The following PDE1A variants were observed in gnomAD, a reference collection of about 807,000 sequenced individuals.
The protein encoded by PDE1A is phosphodiesterase 1A, also known as dual specificity calcium/calmodulin-dependent 3',5'-cyclic nucleotide phosphodiesterase 1A.
PDE1A carries 35 observed loss-of-function variants against 61.7 expected under a neutral mutation model. The observed-to-expected ratio is 0.57, with a 90% CI of 0.43 to 0.75. PDE1A has a LOEUF of 0.75. Among genes scored for constraint, PDE1A ranks in the 30% least tolerant of loss-of-function variants. The pLI is 0.00. For synonymous variants in PDE1A, 232 were observed against 213.2 expected, an observed-to-expected ratio of 1.09 and a Z score of -0.77; for missense variants, 597 against 630.6, an observed-to-expected ratio of 0.95 and a Z score of 0.57.
chr2:182,665,189 A>G, the PDE1A span, among the ~76,000 whole-genome samples: 6 of 152,176 alleles, frequency 3.9e-5, no homozygotes, highest in Non-Finnish European at 8.8e-5. Flanking sequence ...TCTTGTCATA[A>G]AAAATGTACA....
At chr2:182,379,553 G>A (rs1700607934) in intron 1 of PDE1A, among the ~76,000 whole-genome samples, 1 of 152,096 alleles carries the variant, frequency 6.6e-6, no homozygotes, top group South Asian at 2.1e-4. Context: ...GCACAAACAG[G>A]AATAAAGCAG....
intron 2 of PDE1A, among the ~76,000 whole-genome samples, chr2:182,500,556 T>C (rs2125915821): frequency 6.6e-6 from 1 of 152,292 alleles, no homozygotes; most frequent in Admixed American, 6.5e-5. Flanking sequence ...GGTCCAAGAA[T>C]TGCAAGAATT....
chr2:182,645,734 C>A, the PDE1A span, among the ~76,000 whole-genome samples: 1 of 152,212 alleles, frequency 6.6e-6, no homozygotes, highest in South Asian at 2.1e-4. Context: ...ATGGCCACTA[C>A]AGAACAAAAT....
chr2:182,457,806 T>A (rs1488501492), intron 2 of PDE1A, among the ~76,000 whole-genome samples: 3 of 152,082 alleles, frequency 2.0e-5, no homozygotes, highest in East Asian at 1.9e-4. Context: ...AATAACTGGA[T>A]AAATAACAGC....
At chr2:182,416,330 A>C (rs1321120616) in intron 1 of PDE1A, among the ~76,000 whole-genome samples, 4 of 152,198 alleles carry the variant, frequency 2.6e-5, no homozygotes, top group African/African-American at 7.2e-5. Flanking sequence ...GGCAAGTTAA[A>C]ATGCTGCCAA....
chr2:182,423,348 C>T (rs895352846), intron 1 of PDE1A, among the ~76,000 whole-genome samples: 1 of 152,096 alleles, frequency 6.6e-6, no homozygotes, highest in Non-Finnish European at 1.5e-5. Flanking sequence ...GGAATCTTTA[C>T]TGTAGGAGCC....
exon 14 of PDE1A, chr2:182,167,953 T>C: frequency 8.6e-7 from 1 of 1,166,670 alleles, no homozygotes; most frequent in Non-Finnish European, 1.1e-6. Flanking sequence ...CAAAGAAAAT[T>C]TATTGGCACT....
At chr2:182,322,386 T>A (rs7425918) in intron 1 of PDE1A, among the ~76,000 whole-genome samples, 1 of 152,068 alleles carries the variant, frequency 6.6e-6, no homozygotes, top group African/African-American at 2.4e-5. Flanking sequence ...ATCATGGAAG[T>A]GGGTTTTTCC....
intron 2 of PDE1A, among the ~76,000 whole-genome samples, chr2:182,468,823 T>C (rs1464118132): frequency 2.0e-5 from 3 of 152,008 alleles, no homozygotes; most frequent in African/African-American, 4.8e-5. Context: ...TGAGCAGGCA[T>C]GAAAACAGCA....
chr2:182,487,981 A>T (rs1442632567), intron 2 of PDE1A, among the ~76,000 whole-genome samples: 1 of 152,222 alleles, frequency 6.6e-6, no homozygotes, highest in Non-Finnish European at 1.5e-5. Context: ...TCAAGATCTG[A>T]ATATACCACT....
chr2:182,337,310 A>T (rs563947063), intron 1 of PDE1A, among the ~76,000 whole-genome samples: 14 of 152,320 alleles, frequency 9.2e-5, no homozygotes, highest in Non-Finnish European at 4.4e-5. Context: ...CCTACATGTT[A>T]AGAGTTTCAC....
intron 2 of PDE1A, among the ~76,000 whole-genome samples, chr2:182,251,850 G>A (rs1174181242): frequency 6.6e-6 from 1 of 152,132 alleles, no homozygotes; most frequent in Non-Finnish European, 1.5e-5. Flanking sequence ...TTACAAATGG[G>A]AATTATCTGT....
chr2:182,463,588 GA>G (rs1431942742), intron 2 of PDE1A: 1 of 152,130 alleles, frequency 6.6e-6, no homozygotes, highest in Non-Finnish European at 1.5e-5. Flanking sequence ...AAGAGTTGTG[GA>G]AGACATACTT....
chr2:182,508,821 T>A (rs914763794), intron 2 of PDE1A, among the ~76,000 whole-genome samples: 2 of 146,996 alleles, frequency 1.4e-5, no homozygotes, highest in Non-Finnish European at 1.5e-5. Flanking sequence ...ATTTTTTTTT[T>A]AATTATACTT....
intron 2 of PDE1A, among the ~76,000 whole-genome samples, chr2:182,460,066 T>C (rs1014660835): frequency 2.6e-5 from 4 of 152,300 alleles, no homozygotes; most frequent in East Asian, 3.9e-4. Flanking sequence ...ATGGCCACAA[T>C]TGATACTACC....
chr2:182,297,349 C>G lies in PDE1A; in HGVS notation c.54-32935G>C, dbSNP rs189120507. 7.9e-5 allele frequency among the ~76,000 whole-genome samples: 12 copies of G among 152,060 alleles called. No individual in the cohort carries two copies. In the East Asian group the frequency reaches 2.3e-3, roughly 29 times the overall value. ...TCCTCCCACCCATTTGCTTATTAAA[C>G]TCTATTTCCTGAGCCCAGTGGAGAA... is the stretch of plus-strand genomic sequence containing the variant. On this transcript the variant is annotated intron_variant, in intron 1 of 13. Coordinates refer to ENST00000351439, the Ensembl canonical transcript of PDE1A.
intron 1 of PDE1A, among the ~76,000 whole-genome samples, chr2:182,331,441 G>A (rs1160897372): frequency 6.6e-6 from 1 of 152,126 alleles, no homozygotes; most frequent in African/African-American, 2.4e-5. Context: ...TCTTCATAGT[G>A]TCGATGGTCT....
At chr2:182,327,957 G>T (rs1167933459) in intron 1 of PDE1A, among the ~76,000 whole-genome samples, 1 of 152,224 alleles carries the variant, frequency 6.6e-6, no homozygotes, top group Non-Finnish European at 1.5e-5. Context: ...ATGCGATTTA[G>T]CACCTAAGTA....
the PDE1A span, among the ~76,000 whole-genome samples, chr2:182,700,972 A>T: frequency 4.6e-5 from 7 of 151,766 alleles, no homozygotes; most frequent in South Asian, 4.2e-4. Flanking sequence ...GTTTTCATTT[A>T]AAAAAAATCT....
Sources: gnomAD v4.1 joint callset for allele counts (sites outside exome capture counted in the v4.1 genomes callset) on GRCh38, gnomAD v4.1.1 for gene constraint, MANE v1.5 for transcripts, NCBI Gene and HGNC (gene_info 2026-07-23, HGNC 2026-07-21) for gene names.